The following CASP10 variants were observed in gnomAD, a reference collection of about 807,000 sequenced individuals.
CASP10 encodes the protein caspase 10.
CASP10 carries 41 observed loss-of-function variants against 48.5 expected under a neutral mutation model. The observed-to-expected ratio is 0.85, with a 90% CI of 0.66 to 1.10. CASP10 has a LOEUF of 1.10. Among genes scored for constraint, CASP10 ranks in the 50% least tolerant of loss-of-function variants. The pLI, the probability that CASP10 is intolerant of heterozygous loss-of-function variation, is 0.00. For synonymous variants in CASP10, 232 were observed against 238.4 expected (o/e 0.97, Z 0.25); for missense variants, 614 against 614.5 (o/e 1.00, Z 0.01).
intron 2 of CASP10, chr2:201,186,481 G>A (rs1277286038): frequency 6.6e-6 from 2 of 302,262 alleles, no homozygotes; most frequent in East Asian, 7.7e-5. Context: ...CCTGTTTCCC[G>A]GGGTCTTGAG....
intron 1 of CASP10, among the ~76,000 whole-genome samples, chr2:201,184,274 C>G (rs1342996874): frequency 6.6e-6 from 1 of 152,088 alleles, no homozygotes; most frequent in Non-Finnish European, 1.5e-5. Context: ...TTGAGCAACT[C>G]TTGTCTAAAA....
At chr2:201,202,869 A>T (rs1469206142) in intron 5 of CASP10, among the ~76,000 whole-genome samples, 1 of 152,138 alleles carries the variant, frequency 6.6e-6, no homozygotes, top group Non-Finnish European at 1.5e-5. Flanking sequence ...TTTGTATTTA[A>T]TTATATAAAA....
rs1187491601 is a variant in CASP10 at position 201,195,920 on chromosome 2, A to G, written c.656A>G (p.Asp219Gly). The G allele has an allele frequency of 1.2e-6, 2 of 1,613,826 alleles. No homozygotes were observed. Among genetic ancestry groups the G allele is most frequent in the Non-Finnish European group, 8.5e-7 (1 of 1,179,766 alleles). The change falls in exon 5 of 10, where the codon GAT becomes GGT. Residue 219 changes from aspartate (D) to glycine (G), a missense_variant. Coordinates refer to ENST00000286186, the MANE Select transcript of CASP10 (RefSeq NM_032977.4). The part of the protein sequence containing the change: ...QGEEELVSQT[D>G]VKTFLEALPQ... ...GAGGAAGAACTAGTTTCCCAAACAGATGTTAAGACATTCTTGGAAGCCTTA... is the reference window on the plus strand; with the variant it reads ...GAGGAAGAACTAGTTTCCCAAACAGGTGTTAAGACATTCTTGGAAGCCTTA...
rs181329207 is a variant in CASP10 at position 201,209,877 on chromosome 2, C to A, written c.1415+315C>A. ...GAGTTAAAAAAAGACAGAGTCCTTG[C>A]CCTCAGGTTGCTTACAAGCTAGAGG... On this transcript the variant is annotated intron_variant, in intron 9 of 9. Transcript: ENST00000286186. 3.3e-5 allele frequency among the ~76,000 whole-genome samples: 5 copies of A among 152,282 alleles called. 1 individual carries two copies. The highest frequency in any genetic ancestry group is 3.3e-4 in the Admixed American group (5 of 15,290).
intron 9 of CASP10, among the ~76,000 whole-genome samples, chr2:201,211,013 T>C (rs1335214108): frequency 6.6e-6 from 1 of 152,230 alleles, no homozygotes; most frequent in Non-Finnish European, 1.5e-5. Context: ...TTTCAATACA[T>C]ATATGTGTTG....
intron 5 of CASP10, among the ~76,000 whole-genome samples, chr2:201,202,346 T>C (rs1945049137): frequency 6.6e-6 from 1 of 152,128 alleles, no homozygotes; most frequent in African/African-American, 2.4e-5. Context: ...CTCTCTGACA[T>C]AGAGACTTGA....
At chr2:201,227,026 A>T (rs1326093737) in intron 9 of CASP10, among the ~76,000 whole-genome samples, 1 of 152,130 alleles carries the variant, frequency 6.6e-6, no homozygotes, top group Non-Finnish European at 1.5e-5. Context: ...ATACAGATGC[A>T]TGGGGGTGAT....
intron 4 of CASP10, 113 bp downstream of exon 4, chr2:201,193,232 C>A: frequency 9.1e-7 from 1 of 1,097,848 alleles, no homozygotes; most frequent in Non-Finnish European, 1.4e-6. Flanking sequence ...GAGGCAGAGT[C>A]TCACTCACTC....
intron 9 of CASP10, among the ~76,000 whole-genome samples, chr2:201,212,121 G>A (rs561634071): frequency 1.4e-4 from 22 of 152,050 alleles, no homozygotes; most frequent in South Asian, 4.1e-4. Context: ...GCTAATTTTT[G>A]TATTTTTAGT....
chr2:201,201,671 T>G (rs1452580131), intron 5 of CASP10, among the ~76,000 whole-genome samples: 1 of 152,160 alleles, frequency 6.6e-6, no homozygotes, highest in Non-Finnish European at 1.5e-5. Flanking sequence ...GCACAGCATC[T>G]CACGTGTTTT....
intron 5 of CASP10, among the ~76,000 whole-genome samples, chr2:201,203,310 T>C (rs79410951): frequency 2.3e-5 from 1 of 43,054 alleles, no homozygotes; most frequent in Non-Finnish European, 6.5e-5. Context: ...TGAACTTTCT[T>C]TTTTTTTTTT....
At chr2:201,203,802 C>A (rs747487621) in intron 6 of CASP10, 36 bp downstream of exon 6, 2 of 1,547,918 alleles carry the variant, frequency 1.3e-6, no homozygotes, top group Admixed American at 1.7e-5. Context: ...CAACTTAGAT[C>A]GGTATGGTAG....
intron 5 of CASP10, 128 bp from the exon 6 acceptor site, chr2:201,203,602 C>T (rs947705671): frequency 3.5e-6 from 3 of 860,532 alleles, no homozygotes; most frequent in Non-Finnish European, 3.9e-6. Context: ...CCACCGCAAC[C>T]GGCCCAATGA....
At chr2:201,193,261 G>C (rs922744800) in intron 4 of CASP10, 142 bp downstream of exon 4, 3 of 808,110 alleles carry the variant, frequency 3.7e-6, no homozygotes, top group Non-Finnish European at 6.0e-6. Context: ...AGGCTGGAGT[G>C]CAGTGGTGTG....
intron 6 of CASP10, 108 bp from the exon 7 acceptor site, chr2:201,205,774 A>G: frequency 2.7e-6 from 2 of 736,236 alleles, no homozygotes; most frequent in East Asian, 2.6e-5. Flanking sequence ...TTGTCTCAGG[A>G]GGGCCTTGAG....
chr2:201,223,349 C>T (rs1430340739), downstream of CASP10, among the ~76,000 whole-genome samples: 2 of 152,174 alleles, frequency 1.3e-5, no homozygotes, highest in African/African-American at 2.4e-5. Flanking sequence ...AGGGAACTCA[C>T]CACAAGTGGG....
intron 5 of CASP10, among the ~76,000 whole-genome samples, chr2:201,200,043 C>T (rs41519249): frequency 0.034 from 5,200 of 152,210 alleles, 117 homozygotes; most frequent in Middle Eastern, 0.092. Context: ...TCAAGCTGTA[C>T]GTTCTGGCCA....
In CASP10 at chr2:201,193,030, A is replaced by T; in HGVS notation, c.488A>T (p.Asp163Val). The T allele has an allele frequency of 1.9e-6, 3 of 1,613,800 alleles. No homozygotes were observed. The highest frequency in any genetic ancestry group is 2.5e-6 in the Non-Finnish European group (3 of 1,179,738). Reference protein sequence around the residue: ...LAFLEKQGKIDEDNLTCLEDL... With the variant: ...LAFLEKQGKIVEDNLTCLEDL... Reference sequence around the variant, plus strand: ...TTTCTAGAGAAACAAGGTAAAATAGATGAAGATAATCTGACATGCCTGGAG... The same window carrying T: ...TTTCTAGAGAAACAAGGTAAAATAGTTGAAGATAATCTGACATGCCTGGAG... The change falls in exon 4 of 10, where the codon GAT becomes GTT. Residue 163 changes from aspartate (D) to valine (V), a missense_variant. Asp to Val is a radical substitution (Grantham distance 152, BLOSUM62 -3). Transcript: ENST00000286186.
At chr2:201,196,147 T>C in intron 5 of CASP10, 199 bp downstream of exon 5, 1 of 550,520 alleles carries the variant, frequency 1.8e-6, no homozygotes, top group Non-Finnish European at 3.3e-6. Context: ...AACAGTTGGC[T>C]GACACTAGCT....
Sources: gnomAD v4.1 joint callset for allele counts (sites outside exome capture counted in the v4.1 genomes callset) on GRCh38, gnomAD v4.1.1 for gene constraint, MANE v1.5 for transcripts, NCBI Gene and HGNC (gene_info 2026-07-23, HGNC 2026-07-21) for gene names.